The following TNRC6A variants were observed in gnomAD, a reference collection of about 807,000 sequenced individuals.
TNRC6A encodes trinucleotide repeat-containing gene 6A protein.
TNRC6A carries 44 observed loss-of-function variants against 221.2 expected under a neutral mutation model. That is an observed-to-expected ratio of 0.20 (90% CI 0.16 to 0.26). TNRC6A has a LOEUF of 0.26. Among genes scored for constraint, TNRC6A ranks in the 10% least tolerant of loss-of-function variants. The probability of loss-of-function intolerance (pLI) is 1.00; values close to 1 mark genes in which losing one functional copy is unlikely to be tolerated. For missense variants in TNRC6A, 2,199 were observed against 2,404.4 expected, an observed-to-expected ratio of 0.91 and a Z score of 1.79; for synonymous variants, 847 against 838.5, an observed-to-expected ratio of 1.01 and a Z score of -0.18.
At chr16:24,780,532 A>G (rs1303456003) in intron 5 of TNRC6A, among the ~76,000 whole-genome samples, 2 of 152,222 alleles carry the variant, frequency 1.3e-5, no homozygotes, top group Non-Finnish European at 2.9e-5. Flanking sequence ...TAGTGTTTAT[A>G]TAAAATATAA....
Position 24,806,566 on chromosome 16 carries a change from G to A in TNRC6A, c.4330-8G>A, listed in dbSNP as rs1464643849. ...AGTAATTTTTTCCAATCATTTCATT[G>A]TTTTAAGGGTCGACCTCTTAGTGTG... On this transcript the variant is annotated splice_polypyrimidine_tract_variant and splice_region_variant and intron_variant, in intron 16 of 24. Transcript: ENST00000395799. The A allele has an allele frequency of 6.8e-6, 11 of 1,613,912 alleles. No individual in the cohort carries two copies. The African/African-American group carries it at 1.3e-4, about 20-fold the overall frequency.
At chr16:24,798,962 G>A (rs2058275029) in intron 11 of TNRC6A, among the ~76,000 whole-genome samples, 1 of 152,210 alleles carries the variant, frequency 6.6e-6, no homozygotes, top group Non-Finnish European at 1.5e-5. Flanking sequence ...TGCCATGCCA[G>A]TAGGAGTGCA....
chr16:24,651,514 G>A (rs1774807678), intron 2 of TNRC6A, among the ~76,000 whole-genome samples: 1 of 137,520 alleles, frequency 7.3e-6, no homozygotes, highest in South Asian at 2.3e-4. Context: ...CTCCAACCTG[G>A]GCAACAAGAG....
intron 2 of TNRC6A, among the ~76,000 whole-genome samples, chr16:24,642,285 T>C (rs1247121322): frequency 6.6e-6 from 1 of 152,036 alleles, no homozygotes; most frequent in Non-Finnish European, 1.5e-5. Context: ...AAAGTGGTGG[T>C]GTGGGGAGAA....
Position 24,815,500 on chromosome 16 carries a change from T to C in TNRC6A, c.4831+195T>C. 6.5e-6 allele frequency: 4 copies of C among 618,284 alleles called. No individual in the cohort carries two copies. The South Asian group carries it at 7.3e-5, about 11-fold the overall frequency. The allele number at this position is 618,284 out of a possible 1,614,324, so 38.3% of individuals were successfully genotyped here. ...AGTGAGTGTGTCAGCCTGTTACCTA[T>C]GCCTTTATGCTCAAGCAGCAGAGGT... On this transcript the variant is annotated intron_variant, in intron 19 of 24. Coordinates refer to ENST00000395799, the MANE Select transcript of TNRC6A (RefSeq NM_014494.4).
At chr16:24,808,209 G>A (rs2152010876) in intron 17 of TNRC6A, among the ~76,000 whole-genome samples, 1 of 152,316 alleles carries the variant, frequency 6.6e-6, no homozygotes, top group East Asian at 1.9e-4. Context: ...CTTCCTATTT[G>A]ACTGCACACT....
intron 2 of TNRC6A, among the ~76,000 whole-genome samples, chr16:24,737,990 T>A (rs1384069962): frequency 6.6e-6 from 1 of 152,218 alleles, no homozygotes; most frequent in East Asian, 1.9e-4. Context: ...TGTGAATCTC[T>A]TTGCAATGTG....
At chr16:24,804,027 A>G (rs931928329) in intron 11 of TNRC6A, 150 bp from the exon 12 acceptor site, 3 of 732,264 alleles carry the variant, frequency 4.1e-6, no homozygotes, top group South Asian at 2.7e-5. Context: ...GGAATGCAAA[A>G]TTTATGAAAT....
chr16:24,638,451 G>T (rs1901752310), intron 1 of TNRC6A, among the ~76,000 whole-genome samples: 1 of 149,868 alleles, frequency 6.7e-6, no homozygotes, highest in Middle Eastern at 3.5e-3. Context: ...GGTGGCTCAT[G>T]ACTGTAATCC....
intron 1 of TNRC6A, among the ~76,000 whole-genome samples, chr16:24,629,704 C>T (rs1253344569): frequency 6.6e-6 from 1 of 152,070 alleles, no homozygotes; most frequent in Non-Finnish European, 1.5e-5. Flanking sequence ...ATAGACCGGG[C>T]ACAGTGGTTC....
At chr16:24,806,306 C>A (rs757988670) in intron 16 of TNRC6A, 23 bp downstream of exon 16, 1 of 1,612,924 alleles carries the variant, frequency 6.2e-7, no homozygotes, top group East Asian at 2.2e-5. Flanking sequence ...CTGCAACTCG[C>A]AATGCTGTCT....
chr16:24,674,428 A>G (rs1044762756), intron 2 of TNRC6A, among the ~76,000 whole-genome samples: 2 of 152,100 alleles, frequency 1.3e-5, no homozygotes, highest in Non-Finnish European at 2.9e-5. Context: ...ATATATAAAT[A>G]AAATAAAATA....
At chr16:24,765,607 A>C (rs1254289017) in intron 4 of TNRC6A, among the ~76,000 whole-genome samples, 1 of 152,214 alleles carries the variant, frequency 6.6e-6, no homozygotes, top group African/African-American at 2.4e-5. Flanking sequence ...TAACCTCTTT[A>C]AAATAGAAGC....
chr16:24,662,028 T>G (rs1012489637), intron 2 of TNRC6A: 3 of 152,128 alleles, frequency 2.0e-5, no homozygotes, highest in African/African-American at 7.2e-5. Flanking sequence ...ACCACTGCAC[T>G]CCAACCTGGG....
At chr16:24,752,931 A>C (rs2057169393) in intron 3 of TNRC6A, among the ~76,000 whole-genome samples, 1 of 152,166 alleles carries the variant, frequency 6.6e-6, no homozygotes, top group South Asian at 2.1e-4. Flanking sequence ...TATTCTATTT[A>C]CTGAGAAATT....
chr16:24,622,898 C>T (rs1045223425), intron 1 of TNRC6A, among the ~76,000 whole-genome samples: 1 of 152,166 alleles, frequency 6.6e-6, no homozygotes, highest in African/African-American at 2.4e-5. Context: ...CTCTTTTTAT[C>T]TGTGCGGTAC....
intron 2 of TNRC6A, among the ~76,000 whole-genome samples, chr16:24,644,263 G>C (rs1232043488): frequency 6.7e-6 from 1 of 148,640 alleles, no homozygotes; most frequent in Admixed American, 6.7e-5. Flanking sequence ...ATTTTTTTTT[G>C]TATTTTTAGT....
chr16:24,735,785 A>G (rs1479649727), intron 2 of TNRC6A, among the ~76,000 whole-genome samples: 1 of 152,234 alleles, frequency 6.6e-6, no homozygotes, highest in African/African-American at 2.4e-5. Context: ...AAAGACTAAA[A>G]TGGTATGCGT....
intron 2 of TNRC6A, among the ~76,000 whole-genome samples, chr16:24,735,873 T>C (rs2056755274): frequency 6.6e-6 from 1 of 152,134 alleles, no homozygotes; most frequent in African/African-American, 2.4e-5. Flanking sequence ...TTTTAAAATT[T>C]TAAAAAATTG....
Sources: gnomAD v4.1 joint callset for allele counts (sites outside exome capture counted in the v4.1 genomes callset) on GRCh38, gnomAD v4.1.1 for gene constraint, MANE v1.5 for transcripts, NCBI Gene and HGNC (gene_info 2026-07-23, HGNC 2026-07-21) for gene names.